Variants in B3GALT1 observed in about 807,000 individuals in gnomAD.
The protein encoded by B3GALT1 is beta-1,3-galactosyltransferase 1, also known as UDP-Gal:betaGlcNAc beta 1,3-galactosyltransferase, polypeptide 1.
Under a neutral mutation model 23.2 loss-of-function variants are expected in B3GALT1, and 10 were observed. That is an observed-to-expected ratio of 0.43 (90% CI 0.27 to 0.73). The LOEUF (loss-of-function observed/expected upper bound fraction) is 0.73. B3GALT1 is among the 30% of genes least tolerant of loss of function. The probability of loss-of-function intolerance (pLI) is 0.21; values close to 1 mark genes in which losing one functional copy is unlikely to be tolerated. For missense variants in B3GALT1, 299 were observed against 405.4 expected, an observed-to-expected ratio of 0.74 and a Z score of 2.25; for synonymous variants, 156 against 141.5, an observed-to-expected ratio of 1.10 and a Z score of -0.73.
intron 3 of B3GALT1, among the ~76,000 whole-genome samples, chr2:167,679,937 A>G (rs1276056147): frequency 6.6e-6 from 1 of 152,120 alleles, no homozygotes; most frequent in Non-Finnish European, 1.5e-5. Context: ...TACTTATTTC[A>G]TGGTTTTCCT....
At position 167,819,507 on chromosome 2, in the gene B3GALT1, G is replaced by A. The variant is rs149711549; in HGVS notation, c.-230+714G>A. Among the ~76,000 whole-genome samples the A allele has an allele frequency of 4.1e-3, 629 of 152,188 alleles. 8 individuals carry two copies. Among genetic ancestry groups the A allele is most frequent in the African/African-American group, 0.014 (594 of 41,508 alleles). ...AAATAAAAATGATTGCAGCCTATCC[G>A]GACTGTGATTCAGGGAAAGAAGCAC... On this transcript the variant is annotated intron_variant, in intron 4 of 4. Coordinates refer to ENST00000392690, the MANE Select transcript of B3GALT1 (RefSeq NM_020981.4).
At chr2:167,352,694 C>T (rs1167543274) in intron 1 of B3GALT1, among the ~76,000 whole-genome samples, 2 of 150,644 alleles carry the variant, frequency 1.3e-5, no homozygotes, top group Non-Finnish European at 3.0e-5. Flanking sequence ...GCACTCCAGC[C>T]TGGGCGACAG....
chr2:167,642,460 T>G (rs1685669795), intron 2 of B3GALT1, among the ~76,000 whole-genome samples: 1 of 152,216 alleles, frequency 6.6e-6, no homozygotes, highest in Non-Finnish European at 1.5e-5. Flanking sequence ...ATTAGTGCTG[T>G]GTAACTACAA....
intron 3 of B3GALT1, among the ~76,000 whole-genome samples, chr2:167,679,957 G>C (rs1686498326): frequency 6.6e-6 from 1 of 152,128 alleles, no homozygotes; most frequent in Non-Finnish European, 1.5e-5. Context: ...TTTACTGATA[G>C]AATGAGTTAT....
At chr2:167,628,195 C>G (rs1685377574) in intron 2 of B3GALT1, among the ~76,000 whole-genome samples, 1 of 151,488 alleles carries the variant, frequency 6.6e-6, no homozygotes, top group Admixed American at 6.6e-5. Context: ...TGTTTTTGAC[C>G]CCAAATGACT....
At chr2:167,569,850 C>A (rs1684258069) in intron 2 of B3GALT1, among the ~76,000 whole-genome samples, 1 of 151,772 alleles carries the variant, frequency 6.6e-6, no homozygotes, top group Non-Finnish European at 1.5e-5. Context: ...TACTAGTTTA[C>A]TGAGAGTTTT....
intron 1 of B3GALT1, among the ~76,000 whole-genome samples, chr2:167,433,753 C>T (rs767165011): frequency 1.9e-4 from 29 of 152,030 alleles, no homozygotes; most frequent in East Asian, 9.6e-4. Context: ...ACAAATTAAA[C>T]GAAAATTCTA....
intron 3 of B3GALT1, among the ~76,000 whole-genome samples, chr2:167,724,677 T>C (rs2105259318): frequency 6.6e-6 from 1 of 152,332 alleles, no homozygotes; most frequent in South Asian, 2.1e-4. Flanking sequence ...AAATCATATC[T>C]TTTTAAGAAA....
At chr2:167,440,186 A>G (rs1698856932) in intron 1 of B3GALT1, among the ~76,000 whole-genome samples, 1 of 151,868 alleles carries the variant, frequency 6.6e-6, no homozygotes, top group Non-Finnish European at 1.5e-5. Flanking sequence ...TACTAAAAAT[A>G]CAAAAAATTA....
At chr2:167,394,046 ATAAG>A (rs1698057994) in intron 1 of B3GALT1, among the ~76,000 whole-genome samples, 1 of 152,242 alleles carries the variant, frequency 6.6e-6, no homozygotes, top group African/African-American at 2.4e-5. Context: ...CTTATCTAAA[ATAAG>A]TAAGCCATTC....
intron 1 of B3GALT1, among the ~76,000 whole-genome samples, chr2:167,464,685 C>A (rs941820825): frequency 2.6e-5 from 4 of 152,116 alleles, no homozygotes; most frequent in East Asian, 1.9e-4. Context: ...AGTTTCCTAA[C>A]CTCCACTTGC....
chr2:167,795,947 T>G (rs971141226), intron 3 of B3GALT1, among the ~76,000 whole-genome samples: 26 of 152,244 alleles, frequency 1.7e-4, no homozygotes, highest in Non-Finnish European at 1.5e-5. Context: ...TCATCTGGTT[T>G]CTCCTGGAAC....
chr2:167,625,628 A>G (rs1252266806), intron 2 of B3GALT1, among the ~76,000 whole-genome samples: 1 of 151,752 alleles, frequency 6.6e-6, no homozygotes. Context: ...TTTATTTTCC[A>G]TGTCAAAGGA....
intron 1 of B3GALT1, among the ~76,000 whole-genome samples, chr2:167,367,789 A>G (rs1697613057): frequency 6.6e-6 from 1 of 152,208 alleles, no homozygotes; most frequent in Non-Finnish European, 1.5e-5. Context: ...CAAGACTAGG[A>G]TCCTTCATGG....
At chr2:167,492,601 A>G (rs953212279) in intron 2 of B3GALT1, among the ~76,000 whole-genome samples, 1 of 152,194 alleles carries the variant, frequency 6.6e-6, no homozygotes, top group African/African-American at 2.4e-5. Flanking sequence ...CCAGCACTGA[A>G]AGAACCTTCC....
chr2:167,300,977 T>C (rs1438836168), intron 1 of B3GALT1, among the ~76,000 whole-genome samples: 1 of 152,210 alleles, frequency 6.6e-6, no homozygotes, highest in Admixed American at 6.5e-5. Flanking sequence ...AAATTCCTAG[T>C]TTATGTTCAT....
chr2:167,540,097 T>C (rs1683511173), intron 2 of B3GALT1, among the ~76,000 whole-genome samples: 1 of 152,084 alleles, frequency 6.6e-6, no homozygotes, highest in African/African-American at 2.4e-5. Context: ...ATCTTTCTCT[T>C]CCCAAGAGAA....
chr2:167,428,937 T>G (rs979502720), intron 1 of B3GALT1, among the ~76,000 whole-genome samples: 8 of 152,042 alleles, frequency 5.3e-5, no homozygotes, highest in Non-Finnish European at 1.2e-4. Flanking sequence ...CATCTTATTC[T>G]AAAGGGGATT....
chr2:167,864,642 C>T (rs1201236344), intron 4 of B3GALT1, among the ~76,000 whole-genome samples: 1 of 152,148 alleles, frequency 6.6e-6, no homozygotes, highest in Non-Finnish European at 1.5e-5. Context: ...CTGGGCTTTC[C>T]CATCCAAGAT....
Sources: gnomAD v4.1 joint callset for allele counts (sites outside exome capture counted in the v4.1 genomes callset) on GRCh38, gnomAD v4.1.1 for gene constraint, MANE v1.5 for transcripts, NCBI Gene and HGNC (gene_info 2026-07-23, HGNC 2026-07-21) for gene names.